MIPEP: variants seen among roughly 807,000 people sequenced by gnomAD.
The protein encoded by MIPEP is mitochondrial intermediate peptidase.
MIPEP carries 79 observed loss-of-function variants against 90.3 expected under a neutral mutation model. The observed-to-expected ratio is 0.87, with a 90% CI of 0.73 to 1.05. MIPEP has a LOEUF of 1.05. MIPEP is among the 50% of genes least tolerant of loss of function. The probability of loss-of-function intolerance (pLI) is 0.00; values close to 1 mark genes in which losing one functional copy is unlikely to be tolerated. For synonymous variants in MIPEP, 334 were observed against 315.8 expected, an observed-to-expected ratio of 1.06 and a Z score of -0.61; for missense variants, 940 against 905.6, an observed-to-expected ratio of 1.04 and a Z score of -0.49.
In MIPEP at chr13:23,886,336, G is replaced by A. The variant is rs1474554480; in HGVS notation, c.360C>T (p.Asp120=). 2 of 1,530,598 alleles carry A rather than the reference G, an allele frequency of 1.3e-6. No individual in the cohort carries two copies. Among genetic ancestry groups the A allele is most frequent in the South Asian group, 2.6e-5 (2 of 76,318 alleles). 94.8% of individuals were successfully genotyped at this position (1,530,598 alleles called of 1,614,324 possible). A position where few individuals can be genotyped will look rare whatever the true frequency, so the allele number is the denominator to read the frequency against. The change falls in exon 2 of 19, where the codon GAC becomes GAT. Residue 120 remains aspartate, a synonymous_variant. Coordinates refer to ENST00000382172, the MANE Select transcript of MIPEP (RefSeq NM_005932.4). The part of the protein sequence containing the change: ...ELSDSLCRVA[D]LADFVKIAHP... ...AGTCTGAGGTAAAGCACCTTACCAA[G>A]TCGGCCACTCTGCATAAGGAATCCG... is the stretch of plus-strand genomic sequence containing the variant.
At chr13:23,735,199 C>T (rs1482388527) in intron 18 of MIPEP, among the ~76,000 whole-genome samples, 1 of 152,168 alleles carries the variant, frequency 6.6e-6, no homozygotes, top group Non-Finnish European at 1.5e-5. Flanking sequence ...TCAGACACTG[C>T]CTCCTCCAGC....
At chr13:23,869,786 T>C (rs1198879577) in intron 6 of MIPEP, among the ~76,000 whole-genome samples, 5 of 152,214 alleles carry the variant, frequency 3.3e-5, no homozygotes, top group African/African-American at 1.2e-4. Context: ...AATGGTGTTA[T>C]TAATCATACT....
intron 14 of MIPEP, among the ~76,000 whole-genome samples, chr13:23,820,393 T>G (rs1953292544): frequency 6.6e-6 from 1 of 152,224 alleles, no homozygotes; most frequent in Admixed American, 6.5e-5. Context: ...GCTACACCCA[T>G]TTTCCAAAAT....
intron 7 of MIPEP, among the ~76,000 whole-genome samples, chr13:23,866,931 G>A (rs553885335): frequency 2.0e-5 from 3 of 152,208 alleles, no homozygotes; most frequent in African/African-American, 4.8e-5. Flanking sequence ...TGCTTAGGTC[G>A]AAAATGTTGG....
intron 16 of MIPEP, among the ~76,000 whole-genome samples, chr13:23,782,834 G>A (rs1425861988): frequency 7.2e-5 from 11 of 151,802 alleles, no homozygotes; most frequent in Non-Finnish European, 1.3e-4. Context: ...ACACCTCTAC[G>A]CAAATAAACT....
At chr13:23,773,228 A>G (rs866500232) in intron 16 of MIPEP, among the ~76,000 whole-genome samples, 2 of 152,154 alleles carry the variant, frequency 1.3e-5, no homozygotes, top group Non-Finnish European at 1.5e-5. Flanking sequence ...AAATCACACA[A>G]TAGAGGTTTT....
At chr13:23,820,390 C>T (rs921360200) in intron 14 of MIPEP, among the ~76,000 whole-genome samples, 3 of 152,122 alleles carry the variant, frequency 2.0e-5, no homozygotes, top group African/African-American at 7.2e-5. Context: ...AATGCTACAC[C>T]CATTTTCCAA....
chr13:23,850,433 T>G (rs1432883169), intron 10 of MIPEP, among the ~76,000 whole-genome samples: 1 of 152,192 alleles, frequency 6.6e-6, no homozygotes, highest in African/African-American at 2.4e-5. Context: ...AATCCACCAT[T>G]GCTAATTTGG....
intron 1 of MIPEP, 120 bp from the exon 2 acceptor site, chr13:23,886,626 T>C: frequency 1.4e-6 from 1 of 704,796 alleles, no homozygotes; most frequent in Non-Finnish European, 2.1e-6. Context: ...TATCATGTTA[T>C]ACCTGTGATC....
At position 23,809,889 on chromosome 13, in the gene MIPEP, T is replaced by C. The variant is rs779966442; in HGVS notation, c.1689A>G (p.Glu563=). Residue 563 remains glutamate (E), a synonymous_variant, in exon 15 of 19, where the codon GAA becomes GAG. Transcript: ENST00000382172. ...CAGCTGCAGCACAAACCTTTTTAGA[T>C]TCACAAAGACGAGACACCATATTTT... ...LPKNMVSRLC[E]SKKVCAAADM... 8.7e-6 allele frequency: 14 copies of C among 1,613,714 alleles called. No individual in the cohort carries two copies. The highest frequency in any genetic ancestry group is 1.2e-5 in the Non-Finnish European group (14 of 1,179,764).
chr13:23,776,773 T>C (rs1168552368), intron 16 of MIPEP, among the ~76,000 whole-genome samples: 1 of 151,886 alleles, frequency 6.6e-6, no homozygotes, highest in Non-Finnish European at 1.5e-5. Flanking sequence ...TGCACCAGTA[T>C]CTACTAATGG....
chr13:23,879,283 AG>A lies in MIPEP; in HGVS notation c.523del (p.Asp176IlefsTer22). On this transcript the variant is annotated frameshift_variant, in exon 4 of 19. Transcript: ENST00000382172. LOFTEE classifies it high-confidence loss of function. ...LLADKKLVDS[L>X]DPETRRVAEL... ...GAGTGAGTACCTTGTTTCTGGATCAAGGGAATCCACAAGTTTTTTATCAGCT... is the reference window on the plus strand; with the variant it reads ...GAGTGAGTACCTTGTTTCTGGATCAAGGAATCCACAAGTTTTTTATCAGCT... 1 of 1,602,308 alleles carries A rather than the reference AG, an allele frequency of 6.2e-7. No individual in the cohort carries two copies. Among genetic ancestry groups the A allele is most frequent in the African/African-American group, 1.3e-5 (1 of 74,818 alleles).
chr13:23,860,940 G>C (rs1476709237), intron 9 of MIPEP, among the ~76,000 whole-genome samples: 4 of 152,116 alleles, frequency 2.6e-5, no homozygotes, highest in Non-Finnish European at 5.9e-5. Context: ...AATGATTATG[G>C]GGGAGGGGAG....
chr13:23,752,917 G>A (rs2138506823), intron 18 of MIPEP, among the ~76,000 whole-genome samples: 1 of 152,186 alleles, frequency 6.6e-6, no homozygotes, highest in South Asian at 2.1e-4. Context: ...ATTAAAAAAA[G>A]GAGAAGCAGA....
At chr13:23,839,546 A>T (rs1385783499) in intron 12 of MIPEP, 103 bp downstream of exon 12, 1 of 650,986 alleles carries the variant, frequency 1.5e-6, no homozygotes, top group Non-Finnish European at 2.4e-6. Context: ...ATCATTAGTA[A>T]CTTTTAAATG....
chr13:23,815,038 G>A (rs1953217473), intron 14 of MIPEP, among the ~76,000 whole-genome samples: 1 of 152,192 alleles, frequency 6.6e-6, no homozygotes, highest in Non-Finnish European at 1.5e-5. Flanking sequence ...AATCAAGCAA[G>A]ATAATGAGTT....
intron 5 of MIPEP, among the ~76,000 whole-genome samples, chr13:23,871,062 C>T (rs1385779007): frequency 6.6e-6 from 1 of 152,082 alleles, no homozygotes; most frequent in African/African-American, 2.4e-5. Context: ...TTTGCATGTG[C>T]TTGAGCTGCT....
intron 18 of MIPEP, among the ~76,000 whole-genome samples, chr13:23,736,156 C>G (rs1565976648): frequency 6.6e-6 from 1 of 152,188 alleles, no homozygotes; most frequent in African/African-American, 2.4e-5. Flanking sequence ...TTAACAAACA[C>G]ATTTCACTCT....
At chr13:23,874,467 G>A (rs766543797) in intron 5 of MIPEP, among the ~76,000 whole-genome samples, 10 of 152,106 alleles carry the variant, frequency 6.6e-5, no homozygotes, top group African/African-American at 1.7e-4. Context: ...TCAAACACAC[G>A]TATAATATAA....
Sources: gnomAD v4.1 joint callset for allele counts (sites outside exome capture counted in the v4.1 genomes callset) on GRCh38, gnomAD v4.1.1 for gene constraint, MANE v1.5 for transcripts, NCBI Gene and HGNC (gene_info 2026-07-23, HGNC 2026-07-21) for gene names.